Variants in CCL18 observed in about 807,000 individuals in gnomAD.
The protein encoded by CCL18 is C-C motif chemokine 18.
Under a neutral mutation model 8.0 loss-of-function variants are expected in CCL18, and 7 were observed. That is an observed-to-expected ratio of 0.87 (90% CI 0.50 to 1.64). CCL18 has a LOEUF of 1.64. Among genes scored for constraint, CCL18 ranks in the 40% most tolerant of loss-of-function variants. The pLI, the probability that CCL18 is intolerant of heterozygous loss-of-function variation, is 0.00. For synonymous variants in CCL18, 35 were observed against 41.3 expected (o/e 0.85, Z 0.59); for missense variants, 95 against 107.8 (o/e 0.88, Z 0.52).
intron 1 of CCL18, among the ~76,000 whole-genome samples, chr17:36,068,096 A>C (rs2066846825): frequency 6.6e-6 from 1 of 152,336 alleles, no homozygotes; most frequent in Non-Finnish European, 1.5e-5. Context: ...AGTCTATGAT[A>C]TTCCCACAAT....
chr17:36,070,887 G>C (rs999007702), intron 2 of CCL18, 64 bp from the exon 3 acceptor site: 1 of 1,205,084 alleles, frequency 8.3e-7, no homozygotes, highest in Admixed American at 1.7e-5. Flanking sequence ...AGAGAAGGAC[G>C]CAGGGGCCAC....
At chr17:36,067,612 G>T (rs543167118) in intron 1 of CCL18, among the ~76,000 whole-genome samples, 6 of 152,062 alleles carry the variant, frequency 3.9e-5, no homozygotes, top group Non-Finnish European at 7.4e-5. Flanking sequence ...GCTTGAACCT[G>T]GGAAGTGGGG....
At chr17:36,064,740 A>G (rs900143540) in intron 1 of CCL18, among the ~76,000 whole-genome samples, 3 of 151,758 alleles carry the variant, frequency 2.0e-5, no homozygotes, top group South Asian at 2.1e-4. Context: ...CTAGAGTTCA[A>G]CCCCTTGGGT....
chr17:36,067,198 A>C (rs2066842046), intron 1 of CCL18, among the ~76,000 whole-genome samples: 1 of 152,188 alleles, frequency 6.6e-6, no homozygotes, highest in Admixed American at 6.5e-5. Context: ...AGCTCCCTAC[A>C]ATATGCCATC....
At chr17:36,070,248 C>T (rs854472) in intron 1 of CCL18, 199 bp from the exon 2 acceptor site, 396,747 of 540,750 alleles carry the variant, frequency 0.73, 147,415 homozygotes, top group African/African-American at 0.94. Flanking sequence ...GAATGAGAAA[C>T]ACCAAGAGAA....
At position 36,071,019 on chromosome 17, in the gene CCL18, G is replaced by A. The variant is rs1209991142; in HGVS notation, c.248G>A (p.Ser83Asn). The A allele has an allele frequency of 6.2e-7, 1 of 1,613,426 alleles. No homozygotes were observed. ...AAGAAGTGGGTCCAGAAATACATCAGCGACCTGAAGCTGAATGCCTGAGGG... is the reference window on the plus strand; with the variant it reads ...AAGAAGTGGGTCCAGAAATACATCAACGACCTGAAGCTGAATGCCTGAGGG... ...PNKKWVQKYISDLKLNA is the reference protein window; with the variant it reads ...PNKKWVQKYINDLKLNA The change falls in exon 3 of 3, where the codon AGC becomes AAC. Residue 83 changes from serine to asparagine, a missense_variant. Transcript: ENST00000616054.
intron 1 of CCL18, among the ~76,000 whole-genome samples, chr17:36,066,507 G>A (rs761315869): frequency 2.2e-4 from 33 of 152,344 alleles, no homozygotes; most frequent in Non-Finnish European, 2.5e-4. Flanking sequence ...TGACCAGAGG[G>A]GAAGATGTTA....
chr17:36,064,308 G>A lies in CCL18; in HGVS notation c.-35G>A. ...AGGAGTTGTGAGTTTCCAAGCCCCAGCTCACTCTGACCACTTCTCTGCCTG... is the reference window on the plus strand; with the variant it reads ...AGGAGTTGTGAGTTTCCAAGCCCCAACTCACTCTGACCACTTCTCTGCCTG... On this transcript the variant is annotated 5_prime_UTR_variant, in exon 1 of 3. Coordinates refer to ENST00000616054, the MANE Select transcript of CCL18 (RefSeq NM_002988.4). 1.3e-6 allele frequency: 2 copies of A among 1,585,690 alleles called. No homozygotes were observed. Among genetic ancestry groups the A allele is most frequent in the Non-Finnish European group, 1.7e-6 (2 of 1,154,130 alleles).
In CCL18 at chr17:36,071,287, A is replaced by G; in HGVS notation, c.*246A>G. On this transcript the variant is annotated 3_prime_UTR_variant, in exon 3 of 3. Coordinates refer to ENST00000616054, the MANE Select transcript of CCL18 (RefSeq NM_002988.4). The stretch of plus-strand genomic sequence containing the variant: ...TCTGACATCTCATGACATTGTCTTT[A>G]TCATCCTTTCCCCTTTCCCTTCAAC... 1 of 498,812 alleles carries G rather than the reference A, an allele frequency of 2.0e-6. No homozygotes were observed. The highest frequency in any genetic ancestry group is 3.3e-5 in the East Asian group (1 of 30,012). 30.9% of individuals were successfully genotyped at this position (498,812 alleles called of 1,614,324 possible). A position where few individuals can be genotyped will look rare whatever the true frequency, so the allele number is the denominator to read the frequency against.
At chr17:36,064,504 A>T in intron 1 of CCL18, 95 bp downstream of exon 1, 1 of 903,686 alleles carries the variant, frequency 1.1e-6, no homozygotes, top group South Asian at 1.4e-5. Context: ...GTGTGAAATT[A>T]GGGATCCTCA....
chr17:36,067,743 T>C (rs1252914918), intron 1 of CCL18, among the ~76,000 whole-genome samples: 1 of 152,196 alleles, frequency 6.6e-6, no homozygotes, highest in East Asian at 1.9e-4. Context: ...CATGACAATA[T>C]TAATGCACTA....
chr17:36,066,442 A>G (rs568337210), intron 1 of CCL18, among the ~76,000 whole-genome samples: 1 of 152,328 alleles, frequency 6.6e-6, no homozygotes, highest in African/African-American at 2.4e-5. Flanking sequence ...GGTCCAAGCC[A>G]TGTCCTCAAC....
Position 36,071,158 on chromosome 17 carries a change from G to A in CCL18, c.*117G>A, listed in dbSNP as rs2066864625. The A allele has an allele frequency of 1.6e-6, 1 of 635,498 alleles. No homozygotes were observed. Among genetic ancestry groups the A allele is most frequent in the Admixed American group, 2.8e-5 (1 of 35,180 alleles). 39.4% of individuals were successfully genotyped at this position (635,498 alleles called of 1,614,324 possible). ...GCTACCTCTTCTAAGAGTCCCATCT[G>A]CTATGCCCAGCCACATTAACTAACT... is the stretch of plus-strand genomic sequence containing the variant. On this transcript the variant is annotated 3_prime_UTR_variant, in exon 3 of 3. Transcript: ENST00000616054.
chr17:36,070,314 C>T (rs906890807), intron 1 of CCL18, 133 bp from the exon 2 acceptor site: 13 of 530,560 alleles, frequency 2.5e-5, no homozygotes, highest in Non-Finnish European at 4.1e-5. Flanking sequence ...CCTTCTGGAT[C>T]TCTTTGTCCC....
At chr17:36,065,138 T>C (rs2066830491) in intron 1 of CCL18, among the ~76,000 whole-genome samples, 1 of 152,222 alleles carries the variant, frequency 6.6e-6, no homozygotes, top group Non-Finnish European at 1.5e-5. Flanking sequence ...TTGCCTATTA[T>C]AAAACCAGTG....
At position 36,071,892 on chromosome 17, in the gene CCL18, C is replaced by T. The variant is rs2066868773; in HGVS notation, c.*851C>T. On this transcript the variant is annotated 3_prime_UTR_variant, in exon 3 of 3. Transcript: ENST00000616054. ...CCCATAGTCTAGCAAGGACTCCTTA[C>T]CTGGAAGTTGCTGAAAGCCTTGGTA... 6.6e-6 allele frequency: 1 copy of T among 152,132 alleles called. No individual in the cohort carries two copies. The highest frequency in any genetic ancestry group is 2.1e-4 in the South Asian group (1 of 4,824). 9.4% of individuals were successfully genotyped at this position (152,132 alleles called of 1,614,324 possible). A position where few individuals can be genotyped will look rare whatever the true frequency, so the allele number is the denominator to read the frequency against.
rs1385152003 is a variant in CCL18 at position 36,071,847 on chromosome 17, T to G, written c.*806T>G. ...GTTTTGGGCTAAGTACTTATATTAG[T>G]AAAAGTCTAGCAAATACTGCCCATA... On this transcript the variant is annotated 3_prime_UTR_variant, in exon 3 of 3. Transcript: ENST00000616054. 6.6e-6 allele frequency: 1 copy of G among 152,216 alleles called. No homozygotes were observed. The highest frequency in any genetic ancestry group is 6.5e-5 in the Admixed American group (1 of 15,286). 9.4% of individuals were successfully genotyped at this position (152,216 alleles called of 1,614,324 possible). A position where few individuals can be genotyped will look rare whatever the true frequency, so the allele number is the denominator to read the frequency against.
Position 36,071,189 on chromosome 17 carries a change from C to T in CCL18, c.*148C>T. On this transcript the variant is annotated 3_prime_UTR_variant, in exon 3 of 3. Transcript: ENST00000616054. ...CCCAGCCACATTAACTAACTTTAATCTTAGTTTATGCATCATATTTCATTT... is the reference window on the plus strand; with the variant it reads ...CCCAGCCACATTAACTAACTTTAATTTTAGTTTATGCATCATATTTCATTT... 1 of 586,276 alleles carries T rather than the reference C, an allele frequency of 1.7e-6. No individual in the cohort carries two copies. Among genetic ancestry groups the T allele is most frequent in the South Asian group, 2.3e-5 (1 of 44,032 alleles). The allele number at this position is 586,276 out of a possible 1,614,324, so 36.3% of individuals were successfully genotyped here. A position where few individuals can be genotyped will look rare whatever the true frequency, so the allele number is the denominator to read the frequency against.
rs1219875716 is a variant in CCL18 at position 36,064,307 on chromosome 17, A to G, written c.-36A>G. ...CAGGAGTTGTGAGTTTCCAAGCCCCAGCTCACTCTGACCACTTCTCTGCCT... is the reference window on the plus strand; with the variant it reads ...CAGGAGTTGTGAGTTTCCAAGCCCCGGCTCACTCTGACCACTTCTCTGCCT... On this transcript the variant is annotated 5_prime_UTR_variant, in exon 1 of 3. Transcript: ENST00000616054. The G allele has an allele frequency of 3.2e-6, 5 of 1,582,686 alleles. No individual in the cohort carries two copies. The African/African-American group carries it at 6.7e-5, about 21-fold the overall frequency.
Sources: gnomAD v4.1 joint callset for allele counts (sites outside exome capture counted in the v4.1 genomes callset) on GRCh38, gnomAD v4.1.1 for gene constraint, MANE v1.5 for transcripts, NCBI Gene and HGNC (gene_info 2026-07-23, HGNC 2026-07-21) for gene names.